The following MDFI variants were observed in gnomAD, a reference collection of about 807,000 sequenced individuals.
MDFI encodes inhibitor of MyoD family a.
MDFI carries 16 observed loss-of-function variants against 22.3 expected under a neutral mutation model. The observed-to-expected ratio is 0.72, with a 90% confidence interval of 0.49 to 1.09. The LOEUF is 1.09. Ranked by LOEUF, MDFI falls within the 50% of genes least tolerant of loss-of-function variation. The probability of loss-of-function intolerance (pLI) is 0.00; values close to 1 mark genes in which losing one functional copy is unlikely to be tolerated. For synonymous variants in MDFI, 145 were observed against 142.7 expected (o/e 1.02, Z -0.12); for missense variants, 314 against 326.1 (o/e 0.96, Z 0.29).
intron 4 of MDFI, among the ~76,000 whole-genome samples, chr6:41,652,501 G>GGTGGCAGT (rs1768307711): frequency 6.6e-6 from 1 of 152,208 alleles, no homozygotes; most frequent in African/African-American, 2.4e-5. Flanking sequence ...GGAGATGCCA[G>GGTGGCAGT]GTGGCAGTGG....
chr6:41,639,559 C>T, intron 2 of MDFI: 3 of 985,408 alleles, frequency 3.0e-6, no homozygotes, highest in Non-Finnish European at 3.6e-6. Context: ...GTTCTCAGTC[C>T]CTTCCCCTCA....
At position 41,645,806 on chromosome 6, in the gene MDFI, G is replaced by A. The variant is rs182841040; in HGVS notation, c.77-320G>A. 5.1e-4 allele frequency among the ~76,000 whole-genome samples: 51 copies of A among 100,122 alleles called. No individual in the cohort carries two copies. In the East Asian group the frequency reaches 0.012, roughly 24 times the overall value. 65.7% of individuals were successfully genotyped at this position (100,122 alleles called of 152,430 possible). On this transcript the variant is annotated intron_variant, in intron 2 of 4. Transcript: ENST00000230321. ...CCTATCTCTCCGTTGCTGACCGTCC[G>A]TCTGTTCTCCCGTGTTGTGTTTCTG...
Position 41,646,253 on chromosome 6 carries a change from C to A in MDFI, c.204C>A (p.Gly68=). Residue 68 remains glycine, a synonymous_variant, in exon 3 of 5, where the codon GGC becomes GGA. Transcript: ENST00000230321. The part of the protein sequence containing the change: ...ATPMPQGNGP[G]IPQGLDSTDL... Reference sequence around the variant, plus strand: ...CCATGCCCCAAGGCAATGGCCCTGGCATCCCCCAGGGCCTGGACAGCACTG... The same window carrying A: ...CCATGCCCCAAGGCAATGGCCCTGGAATCCCCCAGGGCCTGGACAGCACTG... The A allele has an allele frequency of 6.3e-7, 1 of 1,575,000 alleles. No individual in the cohort carries two copies. The highest frequency in any genetic ancestry group is 8.6e-7 in the Non-Finnish European group (1 of 1,161,970).
intron 3 of MDFI, among the ~76,000 whole-genome samples, chr6:41,648,229 T>C (rs1325347062): frequency 6.6e-6 from 1 of 152,104 alleles, no homozygotes; most frequent in African/African-American, 2.4e-5. Flanking sequence ...TCCTAATCTC[T>C]AACACTTGCT....
chr6:41,638,861 G>A lies in MDFI; in HGVS notation c.76+36G>A. The A allele has an allele frequency of 6.6e-7, 1 of 1,524,280 alleles. No homozygotes were observed. Among genetic ancestry groups the A allele is most frequent in the Non-Finnish European group, 8.8e-7 (1 of 1,140,060 alleles). 94.4% of individuals were successfully genotyped at this position (1,524,280 alleles called of 1,614,324 possible). On this transcript the variant is annotated intron_variant, in intron 2 of 4. Coordinates refer to ENST00000230321, the MANE Select transcript of MDFI (RefSeq NM_005586.4). This position sits in a 1 kb window ranked among gnomAD's most constrained non-coding sequence, Gnocchi z 7.6. ...GAGTGGCGAGCGAAGCTGGACAGGG[G>A]CGGGTGGGCGGCTGAAGGGGCCAGT...
In MDFI at chr6:41,649,732, A is replaced by C. The variant is rs374868242; in HGVS notation, c.373A>C (p.Lys125Gln). Residue 125 changes from lysine to glutamine, a missense_variant, in exon 4 of 5, where the codon AAG becomes CAG. By Grantham distance (53) the Lys-to-Gln change is moderately conservative. Transcript: ENST00000230321. ...RAGNGALGGPKAHRKLQTHPS... is the reference protein window; with the variant it reads ...RAGNGALGGPQAHRKLQTHPS... ...GGGGAATGGTGCCCTGGGTGGCCCC[A>C]AGGCCCACCGGAAGTTGCAGACACA... 3 of 1,613,918 alleles carry C rather than the reference A, an allele frequency of 1.9e-6. No individual in the cohort carries two copies. In the African/African-American group the frequency reaches 4.0e-5, roughly 22 times the overall value.
chr6:41,649,939 GTTAC>G (rs1214837530), intron 4 of MDFI, 96 bp downstream of exon 4: 11 of 1,049,096 alleles, frequency 1.0e-5, no homozygotes, highest in Non-Finnish European at 1.2e-5. Flanking sequence ...TCACCAGGCT[GTTAC>G]TTAGAGATGC....
At chr6:41,642,422 C>T (rs1767885856) in intron 2 of MDFI, among the ~76,000 whole-genome samples, 3 of 152,194 alleles carry the variant, frequency 2.0e-5, no homozygotes, top group African/African-American at 7.2e-5. Flanking sequence ...CCCTCTGTGG[C>T]TGGACAGCGG....
intron 2 of MDFI, among the ~76,000 whole-genome samples, chr6:41,641,466 G>T (rs1229732826): frequency 2.0e-5 from 3 of 152,202 alleles, no homozygotes; most frequent in East Asian, 3.9e-4. Context: ...AGCATGGGTG[G>T]ACTGGTCAGA....
At chr6:41,640,028 G>T in intron 2 of MDFI, 1 of 774,136 alleles carries the variant, frequency 1.3e-6, no homozygotes, top group Non-Finnish European at 1.6e-6. Context: ...TGTGTCTACA[G>T]CCCATCTTGG....
rs749633342 is a variant in MDFI at position 41,653,368 on chromosome 6, G to A, written c.534G>A (p.Thr178=). ...ILSCLFCEFL[T]LCNIVLDCAT... is the part of the protein sequence containing the mutation. ...CCTGCCTGTTCTGCGAGTTCCTGAC[G>A]CTGTGCAACATCGTCCTGGACTGCG... Residue 178 remains threonine (T), a synonymous_variant, in exon 5 of 5, where the codon ACG becomes ACA. Transcript: ENST00000230321. The surrounding 1 kb of genome is among the most constrained non-coding windows in gnomAD (Gnocchi z 4.2). 2.5e-5 allele frequency: 41 copies of A among 1,612,262 alleles called. No homozygotes were observed. The highest frequency in any genetic ancestry group is 1.8e-4 in the Admixed American group (11 of 60,000).
chr6:41,653,631 T>A lies in MDFI; in HGVS notation c.*56T>A. 6.3e-7 allele frequency: 1 copy of A among 1,588,874 alleles called. No individual in the cohort carries two copies. On this transcript the variant is annotated 3_prime_UTR_variant, in exon 5 of 5. Transcript: ENST00000230321. This position sits in a 1 kb window ranked among gnomAD's most constrained non-coding sequence, Gnocchi z 4.2. Reference sequence around the variant, plus strand: ...CCCCTGCAGATTCCAGCAGGGTCCCTCTGAGTGGGGCCAGGCCCAGGACTG... The same window carrying A: ...CCCCTGCAGATTCCAGCAGGGTCCCACTGAGTGGGGCCAGGCCCAGGACTG...
Position 41,653,548 on chromosome 6 carries a change from G to A in MDFI, c.714G>A (p.Glu238=), listed in dbSNP as rs375231553. 1.1e-5 allele frequency: 17 copies of A among 1,600,796 alleles called. No individual in the cohort carries two copies. The African/African-American group carries it at 2.0e-4, about 19-fold the overall frequency. ...CGGACTGCCTGGAGATCTGCATGGAGTGCTGTGGGCTCTGCTTCTCCTCCT... is the reference window on the plus strand; with the variant it reads ...CGGACTGCCTGGAGATCTGCATGGAATGCTGTGGGCTCTGCTTCTCCTCCT... ...ESADCLEICM[E]CCGLCFSS is the part of the protein sequence containing the mutation. The change falls in exon 5 of 5, where the codon GAG becomes GAA. Residue 238 remains glutamate (E), a synonymous_variant. Transcript: ENST00000230321. The surrounding 1 kb of genome is among the most constrained non-coding windows in gnomAD (Gnocchi z 4.2).
At chr6:41,639,484 C>T (rs775410640) in intron 2 of MDFI, 12 of 985,442 alleles carry the variant, frequency 1.2e-5, no homozygotes, top group African/African-American at 3.5e-5. Flanking sequence ...CTGGGGGAGC[C>T]TCTCACGCCA....
intron 4 of MDFI, among the ~76,000 whole-genome samples, chr6:41,651,689 G>A (rs1768277106): frequency 6.6e-6 from 1 of 152,204 alleles, no homozygotes; most frequent in Admixed American, 6.5e-5. Context: ...CCTCCACACA[G>A]GAATGCAGGA....
intron 2 of MDFI, among the ~76,000 whole-genome samples, chr6:41,641,235 A>G (rs572190239): frequency 1.3e-5 from 2 of 152,234 alleles, no homozygotes; most frequent in African/African-American, 4.8e-5. Context: ...GAATATGGAC[A>G]CCACTCCAAG....
In MDFI at chr6:41,653,494, C is replaced by G. The variant is rs752701628; in HGVS notation, c.660C>G (p.Cys220Trp). The part of the protein sequence containing the change: ...ADCDLPCDLD[C>W]GILDACCESA... ...GCGACCTGCCCTGCGACCTGGACTG[C>G]GGCATCCTGGATGCCTGCTGCGAGT... Residue 220 changes from cysteine to tryptophan, a missense_variant, in exon 5 of 5, where the codon TGC becomes TGG. Physicochemically the swap from Cys to Trp is radical, Grantham distance 215. Transcript: ENST00000230321. This position sits in a 1 kb window ranked among gnomAD's most constrained non-coding sequence, Gnocchi z 4.2. 1 of 1,603,048 alleles carries G rather than the reference C, an allele frequency of 6.2e-7. No homozygotes were observed. Among genetic ancestry groups the G allele is most frequent in the Admixed American group, 1.7e-5 (1 of 60,028 alleles).
Position 41,653,885 on chromosome 6 carries a change from A to T in MDFI, c.*310A>T. 4 of 352,928 alleles carry T rather than the reference A, an allele frequency of 1.1e-5. No homozygotes were observed. The highest frequency in any genetic ancestry group is 2.1e-5 in the Non-Finnish European group (4 of 187,586). The allele number at this position is 352,928 out of a possible 1,614,324, so 21.9% of individuals were successfully genotyped here. A position where few individuals can be genotyped will look rare whatever the true frequency, so the allele number is the denominator to read the frequency against. On this transcript the variant is annotated 3_prime_UTR_variant, in exon 5 of 5. Coordinates refer to ENST00000230321, the MANE Select transcript of MDFI (RefSeq NM_005586.4). This position sits in a 1 kb window ranked among gnomAD's most constrained non-coding sequence, Gnocchi z 4.2. Reference sequence around the variant, plus strand: ...GGGGCAGGGCTGGGGTGGGGACCGCAGGGGGCAGCCAGGGCTGGGGAACAC... The same window carrying T: ...GGGGCAGGGCTGGGGTGGGGACCGCTGGGGGCAGCCAGGGCTGGGGAACAC...
chr6:41,648,804 T>A (rs1768151133), intron 3 of MDFI, among the ~76,000 whole-genome samples: 1 of 152,068 alleles, frequency 6.6e-6, no homozygotes, highest in Non-Finnish European at 1.5e-5. Flanking sequence ...GAACTGAACA[T>A]CCCTGAGCGA....
Sources: gnomAD v4.1 joint callset for allele counts (sites outside exome capture counted in the v4.1 genomes callset) on GRCh38, gnomAD v4.1.1 for gene constraint, Gnocchi (gnomAD v3.1) non-coding constraint, MANE v1.5 for transcripts, NCBI Gene and HGNC (gene_info 2026-07-23, HGNC 2026-07-21) for gene names.